The following PCDHA8 variants were observed in gnomAD, a reference collection of about 807,000 sequenced individuals.
PCDHA8 encodes the protein protocadherin alpha-8.
Under a neutral mutation model 61.8 loss-of-function variants are expected in PCDHA8, and 53 were observed. The ratio of observed to expected loss-of-function variants is 0.86; its 90% CI spans 0.69 to 1.08. The LOEUF (loss-of-function observed/expected upper bound fraction) is 1.08. Among genes scored for constraint, PCDHA8 ranks in the 50% least tolerant of loss-of-function variants. The probability of loss-of-function intolerance (pLI) is 0.00; values close to 1 mark genes in which losing one functional copy is unlikely to be tolerated. For synonymous variants in PCDHA8, 618 were observed against 556.6 expected (o/e 1.11, Z -1.55); for missense variants, 1,293 against 1,245.0 (o/e 1.04, Z -0.58).
In PCDHA8 at chr5:141,000,611, A is replaced by T. The variant is rs185617081; in HGVS notation, c.2543-9016A>T. Among the ~76,000 whole-genome samples the T allele has an allele frequency of 4.7e-3, 713 of 150,994 alleles. 3 individuals carry two copies. Among genetic ancestry groups the T allele is most frequent in the Non-Finnish European group, 7.5e-3 (505 of 67,758 alleles). ...CCCAGCTAATTTTTGTATTTTTAGT[A>T]GAGACAGGGTTTCACCATGTTGGGC... On this transcript the variant is annotated intron_variant, in intron 3 of 3. Transcript: ENST00000531613.
At chr5:140,870,243 C>T (rs782592982) in intron 1 of PCDHA8, 1 of 1,614,178 alleles carries the variant, frequency 6.2e-7, no homozygotes, top group South Asian at 1.1e-5. Flanking sequence ...ACTCAGGTGT[C>T]AACGGACAGG....
At chr5:140,985,217 G>A (rs1196051994) in intron 3 of PCDHA8, among the ~76,000 whole-genome samples, 3 of 152,206 alleles carry the variant, frequency 2.0e-5, no homozygotes, top group Admixed American at 1.3e-4. Context: ...GATTACAGGC[G>A]TGAGCCACCG....
chr5:140,943,525 T>C (rs891940980), intron 1 of PCDHA8, among the ~76,000 whole-genome samples: 7 of 152,148 alleles, frequency 4.6e-5, no homozygotes, highest in African/African-American at 7.2e-5. Flanking sequence ...GAGTTCAGTA[T>C]GCAAAATGTC....
chr5:140,969,095 C>T, intron 1 of PCDHA8: 1 of 1,614,168 alleles, frequency 6.2e-7, no homozygotes, highest in East Asian at 2.2e-5. Flanking sequence ...AGTGCAGCCT[C>T]ACTTCATTGA....
chr5:140,884,791 C>T, intron 1 of PCDHA8: 1 of 1,319,574 alleles, frequency 7.6e-7, no homozygotes, highest in Non-Finnish European at 1.0e-6. Context: ...TAGTTGTTAT[C>T]GAATTTAACA....
chr5:140,861,154 CA>C lies in PCDHA8; in HGVS notation c.2394+17443del, dbSNP rs782409708. On this transcript the variant is annotated intron_variant, in intron 1 of 3. Coordinates refer to ENST00000531613, the MANE Select transcript of PCDHA8 (RefSeq NM_018911.3). ...CACTTGGAACCTCAGGAACAAGGAC[CA>C]AAAGGTCTCAGAGGAACTAAGTCTT... The C allele has an allele frequency of 5.8e-4, 90 of 154,832 alleles. 1 individual carries two copies. The highest frequency in any genetic ancestry group is 1.2e-3 in the Non-Finnish European group (81 of 69,986). 9.6% of individuals were successfully genotyped at this position (154,832 alleles called of 1,614,324 possible). A position where few individuals can be genotyped will look rare whatever the true frequency, so the allele number is the denominator to read the frequency against.
At position 140,842,386 on chromosome 5, in the gene PCDHA8, A is replaced by G. The variant is rs1554138984; in HGVS notation, c.1065A>G (p.Leu355=). The change falls in exon 1 of 4, where the codon TTA becomes TTG. Residue 355 remains leucine, a synonymous_variant. Transcript: ENST00000531613. The part of the protein sequence containing the change: ...DNVPEIALTS[L]SLPVREDAQF... The stretch of plus-strand genomic sequence containing the variant: ...TCCCTGAGATAGCACTGACTTCCTT[A>G]TCCTTGCCTGTACGTGAAGACGCTC... 1.2e-6 allele frequency: 2 copies of G among 1,611,028 alleles called. No homozygotes were observed. Among genetic ancestry groups the G allele is most frequent in the Non-Finnish European group, 1.7e-6 (2 of 1,177,336 alleles).
chr5:140,877,308 A>C lies in PCDHA8; in HGVS notation c.2394+33593A>C, dbSNP rs2057012120. ...ACGCTTGGCTGTCCTACGAGTTGCAACCGGCGGCGGTCGGCGCGCACATCC... is the reference window on the plus strand; with the variant it reads ...ACGCTTGGCTGTCCTACGAGTTGCACCCGGCGGCGGTCGGCGCGCACATCC... On this transcript the variant is annotated intron_variant, in intron 1 of 3. Coordinates refer to ENST00000531613, the MANE Select transcript of PCDHA8 (RefSeq NM_018911.3). The C allele has an allele frequency of 1.9e-6, 3 of 1,613,898 alleles. No individual in the cohort carries two copies. In the East Asian group the frequency reaches 6.7e-5, roughly 36 times the overall value.
chr5:140,883,532 G>C, intron 1 of PCDHA8: 2 of 1,614,220 alleles, frequency 1.2e-6, no homozygotes, highest in Non-Finnish European at 1.7e-6. Context: ...ATCAGCCTAT[G>C]AACTGGTGGT....
chr5:140,921,705 G>C (rs2080339656), intron 1 of PCDHA8, among the ~76,000 whole-genome samples: 1 of 152,042 alleles, frequency 6.6e-6, no homozygotes, highest in Non-Finnish European at 1.5e-5. Context: ...ATTTTAAACA[G>C]TAAACACACG....
chr5:140,875,210 AAAAGAACCTC>A (rs2055354064), intron 1 of PCDHA8: 1 of 696,510 alleles, frequency 1.4e-6, no homozygotes, highest in Non-Finnish European at 2.1e-6. Context: ...GGCTAAACCG[AAAAGAACCTC>A]AGGATCTTTC....
At chr5:140,852,257 T>G (rs1417638818) in intron 1 of PCDHA8, 1 of 512,112 alleles carries the variant, frequency 2.0e-6, no homozygotes, top group Non-Finnish European at 2.6e-6. Context: ...TTTTGGAATA[T>G]GCTACAATAT....
chr5:140,910,387 T>G (rs540534807), intron 1 of PCDHA8, among the ~76,000 whole-genome samples: 3 of 152,276 alleles, frequency 2.0e-5, no homozygotes, highest in Admixed American at 6.5e-5. Context: ...CCTTTGACAG[T>G]TGACTGGCCC....
intron 1 of PCDHA8, among the ~76,000 whole-genome samples, chr5:140,903,031 A>G (rs1411414428): frequency 1.3e-5 from 2 of 152,188 alleles, no homozygotes; most frequent in Admixed American, 1.3e-4. Flanking sequence ...TGGCTTGCAC[A>G]TGTGTCTTTT....
chr5:140,854,565 T>C (rs2043162230), intron 1 of PCDHA8: 1 of 150,016 alleles, frequency 6.7e-6, no homozygotes, highest in Non-Finnish European at 1.5e-5. Context: ...ATTGTTGCTC[T>C]GTCATTCAGA....
At chr5:141,008,707 T>C (rs1255261995) in intron 3 of PCDHA8, among the ~76,000 whole-genome samples, 1 of 152,216 alleles carries the variant, frequency 6.6e-6, no homozygotes, top group Non-Finnish European at 1.5e-5. Flanking sequence ...TGGTTTCTAG[T>C]TGCTTGAGTG....
chr5:140,971,123 G>A (rs1305525231), intron 1 of PCDHA8, among the ~76,000 whole-genome samples: 1 of 152,182 alleles, frequency 6.6e-6, no homozygotes, highest in Non-Finnish European at 1.5e-5. Context: ...GTGGGCTACA[G>A]GTGGTGAAGA....
At chr5:141,003,331 TTTTG>T (rs1554259005) in intron 3 of PCDHA8, among the ~76,000 whole-genome samples, 2 of 152,142 alleles carry the variant, frequency 1.3e-5, no homozygotes, top group Non-Finnish European at 2.9e-5. Flanking sequence ...GGGCAGGGTT[TTTTG>T]TTTGTTTGCT....
chr5:140,959,038 A>ATG (rs1387162159), intron 1 of PCDHA8, among the ~76,000 whole-genome samples: 2 of 151,994 alleles, frequency 1.3e-5, no homozygotes, highest in Non-Finnish European at 2.9e-5. Flanking sequence ...ATGGGTATGT[A>ATG]TGTATAGGAA....
Sources: gnomAD v4.1 joint callset for allele counts (sites outside exome capture counted in the v4.1 genomes callset) on GRCh38, gnomAD v4.1.1 for gene constraint, MANE v1.5 for transcripts, NCBI Gene and HGNC (gene_info 2026-07-23, HGNC 2026-07-21) for gene names.